The following PPP1R14C variants were observed in gnomAD, a reference collection of about 807,000 sequenced individuals.
The protein encoded by PPP1R14C is protein phosphatase 1 regulatory subunit 14C.
Under a neutral mutation model 20.4 loss-of-function variants are expected in PPP1R14C, and 16 were observed. The observed-to-expected ratio is 0.78, with a 90% CI of 0.53 to 1.19. The LOEUF is 1.19. Ranked by LOEUF, PPP1R14C falls within the 50% of genes most tolerant of loss-of-function variation. PPP1R14C has a pLI of 0.00. For synonymous variants in PPP1R14C, 91 were observed against 91.0 expected (o/e 1.00, Z 0.00); for missense variants, 211 against 220.1 (o/e 0.96, Z 0.26).
At chr6:150,229,721 G>A (rs1778270562) in intron 3 of PPP1R14C, among the ~76,000 whole-genome samples, 1 of 152,110 alleles carries the variant, frequency 6.6e-6, no homozygotes, top group South Asian at 2.1e-4. Context: ...AGACCTTCAG[G>A]AATTTATGTT....
intron 1 of PPP1R14C, among the ~76,000 whole-genome samples, chr6:150,183,282 TC>T (rs953352343): frequency 3.9e-5 from 6 of 152,074 alleles, no homozygotes; most frequent in African/African-American, 1.2e-4. Flanking sequence ...AGTACAATCA[TC>T]CCTGAAATTA....
intron 1 of PPP1R14C, among the ~76,000 whole-genome samples, chr6:150,163,193 C>T (rs1360153030): frequency 1.3e-5 from 2 of 152,146 alleles, no homozygotes; most frequent in African/African-American, 2.4e-5. Context: ...AGATCGAGAC[C>T]ATCCTGGCTA....
At chr6:150,174,402 G>A (rs1777535390) in intron 1 of PPP1R14C, among the ~76,000 whole-genome samples, 1 of 149,890 alleles carries the variant, frequency 6.7e-6, no homozygotes, top group East Asian at 2.3e-4. Flanking sequence ...ATTTTTAGTA[G>A]AGATGGGGTT....
intron 3 of PPP1R14C, among the ~76,000 whole-genome samples, chr6:150,244,264 G>A (rs9397777): frequency 0.015 from 2,245 of 151,520 alleles, 41 homozygotes; most frequent in East Asian, 0.1. Flanking sequence ...TTTCTTGCCC[G>A]ATCCATTATA....
rs748934150 is a variant in PPP1R14C at position 150,188,484 on chromosome 6, T to TA, written c.307-26260_307-26259insA. ...GGGAACAGAAGAACAGGAATTACCTTTTTTTTTTTTTTTTTTTTTTGAGAC... is the reference window on the plus strand; with the variant it reads ...GGGAACAGAAGAACAGGAATTACCTTATTTTTTTTTTTTTTTTTTTTGAGAC... On this transcript the variant is annotated intron_variant, in intron 1 of 3. Transcript: ENST00000361131. Among the ~76,000 whole-genome samples, 23 of 108,638 alleles carry TA rather than the reference T, an allele frequency of 2.1e-4. 2 individuals carry two copies. Among genetic ancestry groups the TA allele is most frequent in the Admixed American group, 2.0e-3 (20 of 10,000 alleles). 71.3% of individuals were successfully genotyped at this position (108,638 alleles called of 152,430 possible).
intron 3 of PPP1R14C, among the ~76,000 whole-genome samples, chr6:150,234,437 G>T (rs1030603073): frequency 2.0e-5 from 3 of 152,132 alleles, no homozygotes; most frequent in African/African-American, 2.4e-5. Flanking sequence ...AAAATTACTT[G>T]TGCAATTTAT....
rs141684396 is a variant in PPP1R14C, at chr6:150,200,181, T to C, written c.307-14563T>C. Among the ~76,000 whole-genome samples the C allele has an allele frequency of 2.7e-3, 404 of 150,626 alleles. 7 individuals are homozygous for C. In the East Asian group the frequency reaches 0.038, roughly 14 times the overall value. On this transcript the variant is annotated intron_variant, in intron 1 of 3. Transcript: ENST00000361131. The stretch of plus-strand genomic sequence containing the variant: ...TGAGGGCTTTTATAGGATATATATA[T>C]ATACACACACACATACACACACATG...
chr6:150,196,347 C>T (rs138778542), intron 1 of PPP1R14C, among the ~76,000 whole-genome samples: 33 of 152,296 alleles, frequency 2.2e-4, no homozygotes, highest in East Asian at 1.7e-3. Context: ...AATTATGGAC[C>T]GCCCACTAGG....
Position 150,184,274 on chromosome 6 carries a change from G to A in PPP1R14C, c.307-30470G>A, listed in dbSNP as rs534968700. 9.2e-5 allele frequency among the ~76,000 whole-genome samples: 14 copies of A among 152,268 alleles called. No homozygotes were observed. In the Middle Eastern group the frequency reaches 0.01, roughly 111 times the overall value. On this transcript the variant is annotated intron_variant, in intron 1 of 3. Transcript: ENST00000361131. Reference sequence around the variant, plus strand: ...GGCACAAATGGAGCATGGAGGGGCCGTCTCCATCATACCACCTCCTCTTGC... The same window carrying A: ...GGCACAAATGGAGCATGGAGGGGCCATCTCCATCATACCACCTCCTCTTGC...
Position 150,143,271 on chromosome 6 carries a change from C to T in PPP1R14C, c.79C>T (p.Arg27Trp), listed in dbSNP as rs1375354212. Residue 27 changes from arginine to tryptophan, a missense_variant, in exon 1 of 4, where the codon CGG (arginine) becomes TGG (tryptophan). By Grantham distance (101) the Arg-to-Trp change is moderately radical. Coordinates refer to ENST00000361131, the MANE Select transcript of PPP1R14C (RefSeq NM_030949.3). The surrounding 1 kb of genome is among the most constrained non-coding windows in gnomAD (Gnocchi z 5.6). ...CGCACGGGTTTTCTTCCAAAGCCCC[C>T]GGGGTGGCGCCGGTGGCAGCCCCGG... ...GGARVFFQSPRGGAGGSPGSS... is the reference protein window; with the variant it reads ...GGARVFFQSPWGGAGGSPGSS... 5 of 1,513,400 alleles carry T rather than the reference C, an allele frequency of 3.3e-6. No individual in the cohort carries two copies. The highest frequency in any genetic ancestry group is 4.4e-6 in the Non-Finnish European group (5 of 1,139,530). 93.7% of individuals were successfully genotyped at this position (1,513,400 alleles called of 1,614,324 possible).
chr6:150,176,969 G>T (rs966109288), intron 1 of PPP1R14C, among the ~76,000 whole-genome samples: 1 of 152,206 alleles, frequency 6.6e-6, no homozygotes, highest in African/African-American at 2.4e-5. Context: ...GCCTCCCCCT[G>T]TGTGTCTCTC....
intron 1 of PPP1R14C, among the ~76,000 whole-genome samples, chr6:150,175,580 G>C (rs1362133580): frequency 6.6e-6 from 1 of 152,152 alleles, no homozygotes; most frequent in Non-Finnish European, 1.5e-5. Flanking sequence ...TGAGCATGGG[G>C]CTGGTGAGGG....
rs766030537 is a variant in PPP1R14C at position 150,143,489 on chromosome 6, C to A, written c.297C>A (p.Tyr99Ter). The A allele has an allele frequency of 1.4e-6, 2 of 1,396,972 alleles. No homozygotes were observed. Among genetic ancestry groups the A allele is most frequent in the East Asian group, 3.2e-5 (1 of 31,692 alleles). 86.5% of individuals were successfully genotyped at this position (1,396,972 alleles called of 1,614,324 possible). ...EWIVEQLGQL[Y>*]GCEEEEMPEV... ...TCGTGGAGCAGCTGGGTCAGCTCTA[C>A]GGCTGCGAGGTACCTGGGCGCGGGG... is the stretch of plus-strand genomic sequence containing the variant. The change falls in exon 1 of 4, where the codon TAC becomes TAA. Residue 99 changes from tyrosine to a stop codon, truncating the protein, a stop_gained. Transcript: ENST00000361131. LOFTEE classifies it high-confidence loss of function. This position sits in a 1 kb window ranked among gnomAD's most constrained non-coding sequence, Gnocchi z 5.6.
At chr6:150,197,239 A>G (rs1777815784) in intron 1 of PPP1R14C, among the ~76,000 whole-genome samples, 1 of 152,170 alleles carries the variant, frequency 6.6e-6, no homozygotes, top group Non-Finnish European at 1.5e-5. Context: ...GGAGGAGCCC[A>G]GTGTGAGAGG....
chr6:150,170,512 T>C (rs943448560), intron 1 of PPP1R14C, among the ~76,000 whole-genome samples: 1 of 151,914 alleles, frequency 6.6e-6, no homozygotes, highest in Non-Finnish European at 1.5e-5. Context: ...TTAGTAGAGA[T>C]GGGGTTTCAA....
At chr6:150,163,001 A>G (rs1050600794) in intron 1 of PPP1R14C, among the ~76,000 whole-genome samples, 1 of 152,222 alleles carries the variant, frequency 6.6e-6, no homozygotes, top group Non-Finnish European at 1.5e-5. Flanking sequence ...CAGTTAATGC[A>G]AACACCCTCT....
intron 1 of PPP1R14C, among the ~76,000 whole-genome samples, chr6:150,160,643 T>C (rs1193253036): frequency 6.6e-6 from 1 of 152,122 alleles, no homozygotes; most frequent in Non-Finnish European, 1.5e-5. Flanking sequence ...TGGAATTCTT[T>C]TGCGTGGGAG....
intron 1 of PPP1R14C, among the ~76,000 whole-genome samples, chr6:150,168,670 T>G (rs1330106835): frequency 6.6e-6 from 1 of 152,212 alleles, no homozygotes; most frequent in Non-Finnish European, 1.5e-5. Flanking sequence ...GGACAAGTAC[T>G]TCCTCCATAC....
chr6:150,145,852 G>C (rs78660195), intron 1 of PPP1R14C, among the ~76,000 whole-genome samples: 2 of 152,186 alleles, frequency 1.3e-5, no homozygotes, highest in Admixed American at 1.3e-4. Context: ...TGCTGAGTTG[G>C]GGTAGAATAT....
Sources: allele counts gnomAD v4.1 joint callset (sites outside exome capture counted in the v4.1 genomes callset), GRCh38; gene constraint gnomAD v4.1.1; non-coding constraint Gnocchi (gnomAD v3.1); transcripts MANE v1.5; gene names NCBI Gene and HGNC (gene_info 2026-07-23, HGNC 2026-07-21).